Variants in FBXW10 observed in about 807,000 individuals in gnomAD.
The protein encoded by FBXW10 is F-box/WD repeat-containing protein 10.
A neutral mutation model predicts 113.1 loss-of-function variants in FBXW10; 68 were observed. That is an observed-to-expected ratio of 0.60 (90% CI 0.49 to 0.74). The LOEUF (loss-of-function observed/expected upper bound fraction) is 0.74, where lower values mean the gene tolerates loss of function less well. Among genes scored for constraint, FBXW10 ranks in the 30% least tolerant of loss-of-function variants. FBXW10 has a pLI of 0.00. For synonymous variants in FBXW10, 289 were observed against 481.6 expected (o/e 0.60, Z 5.24); for missense variants, 753 against 1,284.5 (o/e 0.59, Z 6.32).
intron 7 of FBXW10, among the ~76,000 whole-genome samples, chr17:18,761,486 C>T (rs1399652367): frequency 1.3e-5 from 2 of 152,086 alleles, no homozygotes; most frequent in Admixed American, 6.6e-5. Flanking sequence ...AGGATGGTCT[C>T]GATCTCCTGA....
At chr17:18,773,558 TA>T (rs1405064844) in intron 12 of FBXW10, among the ~76,000 whole-genome samples, 8 of 152,176 alleles carry the variant, frequency 5.3e-5, no homozygotes. Flanking sequence ...GACATCCAAA[TA>T]ATACATTATG....
At chr17:18,773,743 G>A (rs1231855624) in intron 12 of FBXW10, among the ~76,000 whole-genome samples, 1 of 152,228 alleles carries the variant, frequency 6.6e-6, no homozygotes, top group Non-Finnish European at 1.5e-5. Context: ...ATGCTTAACA[G>A]TAGGAAAAGT....
chr17:18,746,126 A>G (rs1024040911), intron 1 of FBXW10, among the ~76,000 whole-genome samples: 6 of 152,148 alleles, frequency 3.9e-5, no homozygotes, highest in Non-Finnish European at 4.4e-5. Flanking sequence ...TGCTCGAACT[A>G]TATTAATAGA....
rs2035126372 is a variant in FBXW10 at position 18,749,919 on chromosome 17, C to T, written c.868C>T (p.Leu290=). The T allele has an allele frequency of 6.2e-7, 1 of 1,613,882 alleles. No individual in the cohort carries two copies. The highest frequency in any genetic ancestry group is 8.5e-7 in the Non-Finnish European group (1 of 1,179,956). The part of the protein sequence containing the change: ...YLPIHLSKYI[L]RMLDRHTLNK... ...GCCCATCCACCTCTCCAAGTACATTCTAAGTATGCTGGGGTGTATGAGGGG... is the reference window on the plus strand; with the variant it reads ...GCCCATCCACCTCTCCAAGTACATTTTAAGTATGCTGGGGTGTATGAGGGG... The change falls in exon 3 of 14, where the codon CTA becomes TTA. Residue 290 remains leucine (L), a synonymous_variant. Transcript: ENST00000395665.
Position 18,750,047 on chromosome 17 carries a change from T to C in FBXW10, c.909T>C (p.Ser303=), listed in dbSNP as rs1371839385. Residue 303 remains serine (S), a synonymous_variant, in exon 4 of 14, where the codon TCT becomes TCC. Coordinates refer to ENST00000395665, the MANE Select transcript of FBXW10 (RefSeq NM_001267585.2). ...LDRHTLNKCA[S]VSQHWAAMAQ... The stretch of plus-strand genomic sequence containing the variant: ...GACACACCCTGAACAAGTGCGCCTC[T>C]GTGAGCCAGCACTGGGCCGCCATGG... 2 of 1,613,946 alleles carry C rather than the reference T, an allele frequency of 1.2e-6. No homozygotes were observed. The highest frequency in any genetic ancestry group is 1.1e-5 in the South Asian group (1 of 91,046).
intron 1 of FBXW10, 27 bp downstream of exon 1, chr17:18,744,776 G>C: frequency 1.2e-6 from 2 of 1,604,504 alleles, no homozygotes; most frequent in Non-Finnish European, 1.7e-6. Flanking sequence ...GCAGAGACTA[G>C]AGGGCCCCCG....
intron 7 of FBXW10, among the ~76,000 whole-genome samples, chr17:18,758,816 AG>A (rs1272027418): frequency 2.0e-5 from 1 of 49,082 alleles, no homozygotes; most frequent in African/African-American, 6.7e-5. Flanking sequence ...AGACTCTTTC[AG>A]GGGAACGTGG....
Position 18,750,048 on chromosome 17 carries a change from G to A in FBXW10, c.910G>A (p.Val304Met). The change falls in exon 4 of 14, where the codon GTG (valine) becomes ATG (methionine). Residue 304 changes from valine to methionine, a missense_variant. Physicochemically the swap from Val to Met is conservative, Grantham distance 21. Coordinates refer to ENST00000395665, the MANE Select transcript of FBXW10 (RefSeq NM_001267585.2). ...DRHTLNKCAS[V>M]SQHWAAMAQQ... ...ACACACCCTGAACAAGTGCGCCTCT[G>A]TGAGCCAGCACTGGGCCGCCATGGC... 1.2e-6 allele frequency: 2 copies of A among 1,613,818 alleles called. No homozygotes were observed. Among genetic ancestry groups the A allele is most frequent in the Non-Finnish European group, 1.7e-6 (2 of 1,179,974 alleles).
chr17:18,776,875 A>G (rs2035708919), intron 13 of FBXW10, among the ~76,000 whole-genome samples: 1 of 152,172 alleles, frequency 6.6e-6, no homozygotes. Flanking sequence ...ATATACAGCT[A>G]AAAATTGTAT....
chr17:18,777,667 C>G (rs910292338), intron 13 of FBXW10, among the ~76,000 whole-genome samples: 8 of 151,688 alleles, frequency 5.3e-5, no homozygotes, highest in Admixed American at 5.2e-4. Context: ...CCTCAGCCTC[C>G]CGAGTAGCTG....
In FBXW10 at chr17:18,766,560, G is replaced by A. The variant is rs563658871; in HGVS notation, c.1556-154G>A. Among the ~76,000 whole-genome samples the A allele has an allele frequency of 2.0e-5, 3 of 152,310 alleles. No homozygotes were observed. In the East Asian group the frequency reaches 5.8e-4, roughly 29 times the overall value. Reference sequence around the variant, plus strand: ...TGAGCGGTTGGTGAGCCTGCTCTGCGGAGGTGCTAGGCCACGGGAAGTCCT... The same window carrying A: ...TGAGCGGTTGGTGAGCCTGCTCTGCAGAGGTGCTAGGCCACGGGAAGTCCT... On this transcript the variant is annotated intron_variant, in intron 8 of 13. Transcript: ENST00000395665.
chr17:18,762,208 C>T (rs562592386), intron 7 of FBXW10, among the ~76,000 whole-genome samples: 1 of 151,988 alleles, frequency 6.6e-6, no homozygotes, highest in Admixed American at 6.6e-5. Flanking sequence ...GTGATCCACC[C>T]GCCTCGGCCT....
chr17:18,773,981 A>G (rs919667210), intron 12 of FBXW10, among the ~76,000 whole-genome samples: 1 of 152,252 alleles, frequency 6.6e-6, no homozygotes, highest in Non-Finnish European at 1.5e-5. Context: ...TCAGTTTTCC[A>G]TACAAAGGCT....
intron 1 of FBXW10, among the ~76,000 whole-genome samples, chr17:18,746,028 G>A (rs1251877669): frequency 1.3e-5 from 2 of 152,180 alleles, no homozygotes; most frequent in Non-Finnish European, 2.9e-5. Context: ...CACTTATGGT[G>A]GAATGCAAGG....
At chr17:18,774,938 C>A (rs570869439) in intron 12 of FBXW10, among the ~76,000 whole-genome samples, 198 bp from the exon 13 acceptor site, 27 of 152,244 alleles carry the variant, frequency 1.8e-4, no homozygotes, top group African/African-American at 6.3e-4. Context: ...TTGATCTGAT[C>A]ATTACACATT....
chr17:18,758,254 G>A (rs966499532), intron 6 of FBXW10, 51 bp from the exon 7 acceptor site: 7 of 1,397,704 alleles, frequency 5.0e-6, no homozygotes, highest in South Asian at 1.4e-5. Context: ...TCAGTCCCAG[G>A]AGGGACACTG....
At position 18,772,463 on chromosome 17, in the gene FBXW10, A is replaced by G. The variant is rs138657360; in HGVS notation, c.2058A>G (p.Ile686Met). ...TTCTCATGTTCCAGTTTGAGCACAT[A>G]AAGTGGCAGTATGCCGTGGAAAAAA... ...SNVLMFQFEH[I>M]KWQYAVEKTK... Residue 686 changes from isoleucine to methionine, a missense_variant, in exon 12 of 14, where the codon ATA (isoleucine) becomes ATG (methionine). Physicochemically the swap from Ile to Met is conservative, Grantham distance 10. Transcript: ENST00000395665. 1 of 1,614,174 alleles carries G rather than the reference A, an allele frequency of 6.2e-7. No individual in the cohort carries two copies. Among genetic ancestry groups the G allele is most frequent in the Non-Finnish European group, 8.5e-7 (1 of 1,179,968 alleles).
chr17:18,759,433 A>T (rs1231708811), intron 7 of FBXW10, among the ~76,000 whole-genome samples: 2 of 151,322 alleles, frequency 1.3e-5, no homozygotes, highest in Admixed American at 1.3e-4. Flanking sequence ...CATAAAAAGA[A>T]TCATATTTTA....
intron 7 of FBXW10, among the ~76,000 whole-genome samples, chr17:18,762,675 C>A (rs533767759): frequency 6.6e-6 from 1 of 152,208 alleles, no homozygotes; most frequent in East Asian, 1.9e-4. Context: ...TTTTTCTTTT[C>A]TTCTAACTTT....
Sources: allele counts gnomAD v4.1 joint callset (sites outside exome capture counted in the v4.1 genomes callset), GRCh38; gene constraint gnomAD v4.1.1; transcripts MANE v1.5; gene names NCBI Gene and HGNC (gene_info 2026-07-23, HGNC 2026-07-21).